The following CHLSN variants were observed in gnomAD, a reference collection of about 807,000 sequenced individuals.
CHLSN encodes cholesin, also known as protein cholesin.
chr7:1,021,657 C>T, the CHLSN span: 1 of 822,352 alleles, frequency 1.2e-6, no homozygotes. Flanking sequence ...ACCGCAGTGC[C>T]CTCTGGGAAC....
the CHLSN span, among the ~76,000 whole-genome samples, chr7:1,008,809 T>TAC: frequency 3.7e-4 from 44 of 119,414 alleles, no homozygotes; most frequent in Non-Finnish European, 7.1e-4. Context: ...TGTATACATG[T>TAC]ACACACGCAC....
At chr7:1,050,403 AGCTGCCCAGACGG>A in the CHLSN span, among the ~76,000 whole-genome samples, 3 of 152,256 alleles carry the variant, frequency 2.0e-5, no homozygotes, top group African/African-American at 4.8e-5. Context: ...CAACAGGGAC[AGCTGCCCAGACGG>A]GCTGCCCAAG....
chr7:993,392 A>G, the CHLSN span, among the ~76,000 whole-genome samples: 1 of 152,282 alleles, frequency 6.6e-6, no homozygotes, highest in African/African-American at 2.4e-5. Flanking sequence ...AGGCAGAGAA[A>G]GAGCCCAGCT....
chr7:985,973 G>A, the CHLSN span, among the ~76,000 whole-genome samples: 2 of 152,256 alleles, frequency 1.3e-5, no homozygotes, highest in Admixed American at 6.5e-5. Flanking sequence ...CCTAGCCAGG[G>A]TGAGACCACC....
chr7:1,060,092 GC>G, the CHLSN span, among the ~76,000 whole-genome samples: 1 of 150,880 alleles, frequency 6.6e-6, no homozygotes, highest in Admixed American at 6.6e-5. Flanking sequence ...TTCCTCGTCA[GC>G]CTGGCTGGAG....
chr7:1,046,375 T>C, the CHLSN span, among the ~76,000 whole-genome samples: 1 of 152,204 alleles, frequency 6.6e-6, no homozygotes, highest in Non-Finnish European at 1.5e-5. Flanking sequence ...GGTGCTGTTT[T>C]CTGTCAACAG....
At chr7:1,037,169 G>T in the CHLSN span, among the ~76,000 whole-genome samples, 1 of 145,870 alleles carries the variant, frequency 6.9e-6, no homozygotes, top group East Asian at 1.9e-4. Flanking sequence ...GTCTGATAAA[G>T]GGCATCTACA....
the CHLSN span, among the ~76,000 whole-genome samples, chr7:1,017,712 G>C: frequency 6.6e-6 from 1 of 151,820 alleles, no homozygotes; most frequent in Non-Finnish European, 1.5e-5. Context: ...TGACTGCCGC[G>C]GGCAGCCGCG....
At chr7:1,112,149 T>C in the CHLSN span, among the ~76,000 whole-genome samples, 5 of 152,174 alleles carry the variant, frequency 3.3e-5, no homozygotes, top group East Asian at 1.9e-4. Context: ...CAGCATTAGA[T>C]GGAAATTCCA....
chr7:1,012,103 AC>A, the CHLSN span, among the ~76,000 whole-genome samples: 1 of 151,458 alleles, frequency 6.6e-6, no homozygotes, highest in Non-Finnish European at 1.5e-5. Flanking sequence ...AAAGGTAAAA[AC>A]CCTCCTGGCA....
chr7:1,129,026 C>T, the CHLSN span, among the ~76,000 whole-genome samples: 1 of 4,472 alleles, frequency 2.2e-4, no homozygotes, highest in Non-Finnish European at 3.6e-4. Context: ...CACCGTCACC[C>T]GGGCTGGAGT....
At chr7:1,040,183 TAAAAAAA>T in the CHLSN span, among the ~76,000 whole-genome samples, 79 of 74,530 alleles carry the variant, frequency 1.1e-3, 2 homozygotes, top group African/African-American at 3.4e-3. Flanking sequence ...AAAATAAATT[TAAAAAAA>T]AAAAAAAAAA....
chr7:1,120,956 C>T, the CHLSN span, among the ~76,000 whole-genome samples: 3 of 151,954 alleles, frequency 2.0e-5, no homozygotes, highest in Non-Finnish European at 4.4e-5. Context: ...CATGGGGCAG[C>T]GCGGCTGGCA....
chr7:1,096,195 G>C, the CHLSN span, among the ~76,000 whole-genome samples: 1 of 152,200 alleles, frequency 6.6e-6, no homozygotes. The surrounding 1 kb of genome is among the most constrained non-coding windows in gnomAD (Gnocchi z 4.6). Flanking sequence ...CTCTCCGCCA[G>C]GTCTCTTCTG....
the CHLSN span, among the ~76,000 whole-genome samples, chr7:1,027,740 C>A: frequency 6.6e-6 from 1 of 152,266 alleles, no homozygotes; most frequent in Non-Finnish European, 1.5e-5. Context: ...GAGCGCCCGA[C>A]GGGGTCCTCT....
the CHLSN span, among the ~76,000 whole-genome samples, chr7:982,260 C>G: frequency 1.3e-5 from 2 of 152,074 alleles, no homozygotes; most frequent in African/African-American, 4.8e-5. Context: ...CCCAGCTAAT[C>G]AAGGGGGACC....
the CHLSN span, among the ~76,000 whole-genome samples, chr7:1,110,593 C>T: frequency 1.3e-5 from 2 of 152,308 alleles, no homozygotes; most frequent in East Asian, 3.9e-4. Context: ...ACCATGGGGC[C>T]GCATCCCGAG....
chr7:1,135,922 T>C, the CHLSN span, among the ~76,000 whole-genome samples: 1 of 123,724 alleles, frequency 8.1e-6, no homozygotes, highest in Non-Finnish European at 1.6e-5. Context: ...TATATATAAG[T>C]ATATATAAAT....
chr7:1,031,374 G>A, the CHLSN span, among the ~76,000 whole-genome samples: 1 of 150,712 alleles, frequency 6.6e-6, no homozygotes, highest in Non-Finnish European at 1.5e-5. Context: ...GAGACCTGCA[G>A]GGAGGGCAGA....
Sources: gnomAD v4.1 joint callset for allele counts (sites outside exome capture counted in the v4.1 genomes callset) on GRCh38, gnomAD v4.1.1 for gene constraint, Gnocchi (gnomAD v3.1) non-coding constraint, MANE v1.5 for transcripts, NCBI Gene and HGNC (gene_info 2026-07-23, HGNC 2026-07-21) for gene names.